Variants in CWC27 observed in about 807,000 individuals in gnomAD.
CWC27 encodes the protein CWC27 spliceosome associated cyclophilin.
Under a neutral mutation model 63.6 loss-of-function variants are expected in CWC27, and 47 were observed. That is an observed-to-expected ratio of 0.74 (90% confidence interval 0.58 to 0.94). CWC27 has a LOEUF of 0.94. CWC27 is among the 40% of genes least tolerant of loss of function. The pLI is 0.00. For missense variants in CWC27, 495 were observed against 554.3 expected (o/e 0.89, Z 1.07); for synonymous variants, 175 against 179.8 (o/e 0.97, Z 0.22).
intron 13 of CWC27, among the ~76,000 whole-genome samples, chr5:64,981,288 G>C (rs1749328215): frequency 6.6e-6 from 1 of 151,934 alleles, no homozygotes; most frequent in Non-Finnish European, 1.5e-5. Flanking sequence ...ATCTGTCCAG[G>C]TATTTCTATG....
At chr5:64,800,476 G>A in intron 8 of CWC27, 149 bp downstream of exon 8, 2 of 552,172 alleles carry the variant, frequency 3.6e-6, no homozygotes, top group Non-Finnish European at 6.4e-6. Flanking sequence ...CAGAGATAGA[G>A]AACTTCAAGC....
intron 7 of CWC27, among the ~76,000 whole-genome samples, chr5:64,789,703 A>G (rs776619371): frequency 6.6e-6 from 1 of 152,084 alleles, no homozygotes; most frequent in Non-Finnish European, 1.5e-5. Flanking sequence ...GTGTCATGCC[A>G]TTGTTTAGAG....
intron 11 of CWC27, among the ~76,000 whole-genome samples, chr5:64,951,845 A>G (rs1748716560): frequency 1.3e-5 from 2 of 152,128 alleles, no homozygotes; most frequent in Middle Eastern, 3.4e-3. Flanking sequence ...TGCCCAAATG[A>G]CATTCCATTT....
intron 11 of CWC27, among the ~76,000 whole-genome samples, 183 bp downstream of exon 11, chr5:64,885,729 G>GTGTGTGTGTGTGTGTA (rs1171105770): frequency 1.3e-5 from 2 of 150,666 alleles, no homozygotes; most frequent in African/African-American, 2.5e-5. Flanking sequence ...GTGTGTGTGT[G>GTGTGTGTGTGTGTGTA]TGTGTGTGTT....
intron 13 of CWC27, among the ~76,000 whole-genome samples, chr5:64,990,113 A>T (rs996324032): frequency 1.3e-5 from 2 of 152,168 alleles, no homozygotes; most frequent in African/African-American, 4.8e-5. Context: ...CTTCTTGCCA[A>T]GAATTTCAAC....
At chr5:64,964,398 T>A (rs1748976530) in intron 11 of CWC27, among the ~76,000 whole-genome samples, 1 of 152,240 alleles carries the variant, frequency 6.6e-6, no homozygotes, top group African/African-American at 2.4e-5. Flanking sequence ...TACTTGAGAT[T>A]TTTAAGTTAA....
chr5:64,960,174 T>G (rs147418708), intron 11 of CWC27, among the ~76,000 whole-genome samples: 4 of 152,012 alleles, frequency 2.6e-5, no homozygotes, highest in African/African-American at 9.6e-5. Flanking sequence ...GGTTACCTGA[T>G]GCATTTTTGT....
chr5:64,838,786 A>C (rs1191102252), intron 10 of CWC27, among the ~76,000 whole-genome samples: 1 of 152,222 alleles, frequency 6.6e-6, no homozygotes, highest in African/African-American at 2.4e-5. Context: ...TATGTTAGAG[A>C]AAAGGACAGA....
intron 11 of CWC27, among the ~76,000 whole-genome samples, chr5:64,956,318 A>T (rs919667746): frequency 6.6e-6 from 1 of 152,166 alleles, no homozygotes; most frequent in Admixed American, 6.6e-5. Flanking sequence ...TTTATTTGGC[A>T]TTCAGAGACT....
intron 13 of CWC27, among the ~76,000 whole-genome samples, chr5:65,005,156 C>A (rs1048424385): frequency 6.6e-6 from 1 of 150,668 alleles, no homozygotes; most frequent in African/African-American, 2.4e-5. Flanking sequence ...GCAGGGCAGG[C>A]CTGTCCTCAA....
intron 10 of CWC27, among the ~76,000 whole-genome samples, chr5:64,853,274 A>T (rs1258745913): frequency 1.3e-5 from 2 of 152,154 alleles, no homozygotes; most frequent in Non-Finnish European, 2.9e-5. Flanking sequence ...GCTTCTTTTG[A>T]CTTGAATCAT....
chr5:64,788,861 A>G, intron 6 of CWC27, 90 bp from the exon 7 acceptor site: 1 of 822,250 alleles, frequency 1.2e-6, no homozygotes, highest in Non-Finnish European at 1.9e-6. Flanking sequence ...CTTCTTGTAA[A>G]TTCTGTTCTC....
At position 64,973,431 on chromosome 5, in the gene CWC27, C is replaced by T. The variant is rs556723664; in HGVS notation, c.1152+1619C>T. ...AACAGAGTATGCCAAGATTGGGCTCCTTCAGCATAGCTTCTACATTCTGGG... is the reference window on the plus strand; with the variant it reads ...AACAGAGTATGCCAAGATTGGGCTCTTTCAGCATAGCTTCTACATTCTGGG... On this transcript the variant is annotated intron_variant, in intron 12 of 13. Coordinates refer to ENST00000381070, the MANE Select transcript of CWC27 (RefSeq NM_005869.4). Among the ~76,000 whole-genome samples the T allele has an allele frequency of 2.1e-4, 32 of 152,286 alleles. 1 individual carries two copies. Among genetic ancestry groups the T allele is most frequent in the Admixed American group, 8.5e-4 (13 of 15,290 alleles).
rs1158015032 is a variant in CWC27, at chr5:64,800,279, A to T, written c.701A>T (p.Asp234Val). 4 of 1,612,620 alleles carry T rather than the reference A, an allele frequency of 2.5e-6. No homozygotes were observed. The African/African-American group carries it at 5.3e-5, about 22-fold the overall frequency. The change falls in exon 8 of 14, where the codon GAC (aspartate) becomes GTC (valine). Residue 234 changes from aspartate (D) to valine (V), a missense_variant. By Grantham distance (152) the Asp-to-Val change is radical. Coordinates refer to ENST00000381070, the MANE Select transcript of CWC27 (RefSeq NM_005869.4). ...AAGGGCAAAAGCAAAAGTAGTCATG[A>T]CTTGCTTAAGGATGATCCACATCTC... ...SMKGKSKSSH[D>V]LLKDDPHLSS...
At chr5:64,833,896 A>G (rs999393846) in intron 10 of CWC27, among the ~76,000 whole-genome samples, 2 of 151,544 alleles carry the variant, frequency 1.3e-5, no homozygotes, top group African/African-American at 4.8e-5. Flanking sequence ...AAGTAAAAGT[A>G]CCTAACCATA....
intron 10 of CWC27, among the ~76,000 whole-genome samples, chr5:64,885,217 G>A (rs1747038685): frequency 1.3e-5 from 2 of 151,956 alleles, no homozygotes; most frequent in Admixed American, 1.3e-4. Context: ...ATTTGATAGG[G>A]GGTATATTTT....
rs575242198 is a variant in CWC27, at chr5:64,867,417, T to G, written c.939-18026T>G. On this transcript the variant is annotated intron_variant, in intron 10 of 13. Coordinates refer to ENST00000381070, the MANE Select transcript of CWC27 (RefSeq NM_005869.4). ...TACTTTAACAAGAATAAGTTTCTAT[T>G]TTATCGACACACTTTTCAAGTAGAT... Among the ~76,000 whole-genome samples, 4 of 152,228 alleles carry G rather than the reference T, an allele frequency of 2.6e-5. No individual in the cohort carries two copies. The South Asian group carries it at 8.3e-4, about 32-fold the overall frequency.
intron 10 of CWC27, among the ~76,000 whole-genome samples, chr5:64,881,850 A>G (rs1746943323): frequency 2.0e-5 from 3 of 152,082 alleles, no homozygotes; most frequent in African/African-American, 7.2e-5. Flanking sequence ...TTCCTCTTCA[A>G]CTCTCAAAAT....
intron 13 of CWC27, among the ~76,000 whole-genome samples, chr5:65,001,038 C>G (rs1466368540): frequency 1.3e-5 from 2 of 151,704 alleles, no homozygotes; most frequent in East Asian, 3.9e-4. Context: ...AGAGGTCCAC[C>G]TTGGTTAAAT....
Sources: allele counts gnomAD v4.1 joint callset (sites outside exome capture counted in the v4.1 genomes callset), GRCh38; gene constraint gnomAD v4.1.1; transcripts MANE v1.5; gene names NCBI Gene and HGNC (gene_info 2026-07-23, HGNC 2026-07-21).